Variants in EIF3D observed in about 807,000 individuals in gnomAD.
EIF3D encodes the protein eukaryotic translation initiation factor 3 subunit D.
Under a neutral mutation model 75.4 loss-of-function variants are expected in EIF3D, and 10 were observed. The observed-to-expected ratio is 0.13, with a 90% confidence interval of 0.08 to 0.22. The LOEUF (loss-of-function observed/expected upper bound fraction) is 0.22, where lower values mean the gene tolerates loss of function less well. EIF3D is among the 10% of genes least tolerant of loss of function. The pLI, the probability that EIF3D is intolerant of heterozygous loss-of-function variation, is 1.00. For synonymous variants in EIF3D, 246 were observed against 248.3 expected (o/e 0.99, Z 0.09); for missense variants, 394 against 708.0 (o/e 0.56, Z 5.03).
At position 36,512,564 on chromosome 22, in the gene EIF3D, A is replaced by T; in HGVS notation, c.1245T>A (p.Ser415=). Residue 415 remains serine, a synonymous_variant, in exon 13 of 15, where the codon TCT becomes TCA. Transcript: ENST00000216190. ...NGVDWRQKLD[S]QRGAVIATEL... Reference sequence around the variant, plus strand: ...CCGTGGCAATGACAGCCCCTCGCTGAGAGTCCAGCTTCTGACGCCAGTCAA... The same window carrying T: ...CCGTGGCAATGACAGCCCCTCGCTGTGAGTCCAGCTTCTGACGCCAGTCAA... 6.2e-7 allele frequency: 1 copy of T among 1,614,158 alleles called. No homozygotes were observed. Among genetic ancestry groups the T allele is most frequent in the Non-Finnish European group, 8.5e-7 (1 of 1,180,012 alleles).
At chr22:36,522,843 C>T (rs973148699) in intron 6 of EIF3D, among the ~76,000 whole-genome samples, 2 of 152,128 alleles carry the variant, frequency 1.3e-5, no homozygotes, top group African/African-American at 4.8e-5. Context: ...GCACCCTGCT[C>T]CCGCTTCTGC....
chr22:36,523,588 T>C (rs1603499018), intron 5 of EIF3D, among the ~76,000 whole-genome samples: 1 of 152,126 alleles, frequency 6.6e-6, no homozygotes, highest in African/African-American at 2.4e-5. Flanking sequence ...AGGACCAGCA[T>C]ACAGGGGGCT....
intron 10 of EIF3D, 41 bp from the exon 11 acceptor site, chr22:36,516,831 T>C: frequency 1.3e-6 from 2 of 1,586,480 alleles, no homozygotes; most frequent in Non-Finnish European, 1.7e-6. Flanking sequence ...CTAACTTTGT[T>C]GACAAGGCCA....
chr22:36,524,723 G>A lies in EIF3D; in HGVS notation c.179C>T (p.Ser60Phe), dbSNP rs1284246566. The A allele has an allele frequency of 1.2e-6, 2 of 1,614,148 alleles. No homozygotes were observed. Among genetic ancestry groups the A allele is most frequent in the Admixed American group, 1.7e-5 (1 of 60,014 alleles). Residue 60 changes from serine (S) to phenylalanine (F), a missense_variant, in exon 4 of 15, where the codon TCC becomes TTC. Coordinates refer to ENST00000216190, the MANE Select transcript of EIF3D (RefSeq NM_003753.4). ...YQDKRYTNKY[S>F]SQFGGGSQYA... ...TTGACTTCCACCACCAAACTGAGAG[G>A]AGTACTTATCTGGAGGCAAAGGTGA...
chr22:36,512,308 T>G (rs1934352790), intron 13 of EIF3D, 152 bp downstream of exon 13: 1 of 1,039,586 alleles, frequency 9.6e-7, no homozygotes, highest in African/African-American at 1.6e-5. Flanking sequence ...TGTTTGGCAT[T>G]TGTCTCCTAA....
Position 36,516,513 on chromosome 22 carries a change from T to C in EIF3D, c.1171A>G (p.Ile391Val), listed in dbSNP as rs761851541. The C allele has an allele frequency of 8.1e-6, 13 of 1,614,218 alleles. No individual in the cohort carries two copies. The highest frequency in any genetic ancestry group is 1.0e-5 in the Non-Finnish European group (12 of 1,180,036). Residue 391 changes from isoleucine to valine, a missense_variant, in exon 12 of 15, where the codon ATC becomes GTC. Ile to Val is a conservative substitution (Grantham distance 29). Transcript: ENST00000216190. ...MTGANGEVSF[I>V]NIKTLNEWDS... ...CACTCATTGAGTGTCTTGATGTTGA[T>C]GAAGGACACTTCCCCGTTGGCTCCA...
intron 1 of EIF3D, among the ~76,000 whole-genome samples, chr22:36,528,154 C>T (rs1202289799): frequency 6.6e-6 from 1 of 152,150 alleles, no homozygotes; most frequent in Admixed American, 6.5e-5. Context: ...CCTACTCAAG[C>T]AGCTGACCTC....
intron 1 of EIF3D, among the ~76,000 whole-genome samples, chr22:36,526,420 A>C (rs746343895): frequency 1.3e-5 from 2 of 152,154 alleles, no homozygotes; most frequent in African/African-American, 2.4e-5. Flanking sequence ...TGTGTTTGAC[A>C]GGGTGTTGTA....
chr22:36,518,637 C>A, intron 9 of EIF3D, 126 bp downstream of exon 9: 1 of 1,223,216 alleles, frequency 8.2e-7, no homozygotes, highest in Non-Finnish European at 1.1e-6. Context: ...GAGATTCAGA[C>A]ACTGCTGCTG....
At chr22:36,519,924 C>A (rs1283199156) in intron 7 of EIF3D, among the ~76,000 whole-genome samples, 1 of 152,176 alleles carries the variant, frequency 6.6e-6, no homozygotes, top group Non-Finnish European at 1.5e-5. Context: ...AGCAAAGATT[C>A]CTCCTGAAGA....
rs949795777 is a variant in EIF3D at position 36,528,467 on chromosome 22, G to A, written c.-11+609C>T. Among the ~76,000 whole-genome samples the A allele has an allele frequency of 6.6e-5, 10 of 151,206 alleles. 1 individual carries two copies. The highest frequency in any genetic ancestry group is 1.5e-4 in the African/African-American group (6 of 40,972). ...CGGAACCAGGAGGAGAAACTGAGCC[G>A]CTCAGCAAAAACGAAGTAACAGCTG... On this transcript the variant is annotated intron_variant, in intron 1 of 14. Coordinates refer to ENST00000216190, the MANE Select transcript of EIF3D (RefSeq NM_003753.4).
intron 13 of EIF3D, 112 bp from the exon 14 acceptor site, chr22:36,511,898 T>TTC (rs1254420435): frequency 1.2e-4 from 170 of 1,431,918 alleles, no homozygotes; most frequent in Admixed American, 1.6e-4. Context: ...TTTTTTCTTT[T>TTC]TTTTTTTTTT....
chr22:36,513,149 A>T lies in EIF3D; in HGVS notation c.1207-547T>A, dbSNP rs574470896. ...CACACAGTAGAAAAGGACCCCAGAGAGATCCTCTTTTCTACCCATATCATT... is the reference window on the plus strand; with the variant it reads ...CACACAGTAGAAAAGGACCCCAGAGTGATCCTCTTTTCTACCCATATCATT... On this transcript the variant is annotated intron_variant, in intron 12 of 14. Transcript: ENST00000216190. Among the ~76,000 whole-genome samples the T allele has an allele frequency of 3.3e-5, 5 of 152,270 alleles. No individual in the cohort carries two copies. The South Asian group carries it at 6.2e-4, about 19-fold the overall frequency.
At chr22:36,519,290 G>A in intron 8 of EIF3D, 115 bp downstream of exon 8, 1 of 1,448,994 alleles carries the variant, frequency 6.9e-7, no homozygotes, top group Non-Finnish European at 9.4e-7. Context: ...CTGGCAAAGT[G>A]CTTTTACCTA....
Position 36,525,722 on chromosome 22 carries a change from A to C in EIF3D, c.124-13T>G. ...TCCAGTCTGCAACCTACGAAGAACA[A>C]GAAAAGACAGAGAATGCACAGGTCA... On this transcript the variant is annotated splice_polypyrimidine_tract_variant and intron_variant, in intron 2 of 14. Coordinates refer to ENST00000216190, the MANE Select transcript of EIF3D (RefSeq NM_003753.4). The C allele has an allele frequency of 6.2e-7, 1 of 1,610,020 alleles. No individual in the cohort carries two copies. The highest frequency in any genetic ancestry group is 8.5e-7 in the Non-Finnish European group (1 of 1,179,134).
rs140273404 is a variant in EIF3D at position 36,523,195 on chromosome 22, T to A, written c.465+14A>T. 496 of 1,611,270 alleles carry A rather than the reference T, an allele frequency of 3.1e-4. 3 individuals carry two copies. In the African/African-American group the frequency reaches 5.9e-3, roughly 19 times the overall value. ...ACCAAATTCCAAGGCAGAATTCTGG[T>A]ATAAATACATTACCTGTGATTTCTG... On this transcript the variant is annotated intron_variant, in intron 6 of 14. Transcript: ENST00000216190.
At chr22:36,526,299 T>C (rs1177740562) in intron 1 of EIF3D, among the ~76,000 whole-genome samples, 168 bp from the exon 2 acceptor site, 1 of 152,226 alleles carries the variant, frequency 6.6e-6, no homozygotes, top group African/African-American at 2.4e-5. Flanking sequence ...AATTATACTG[T>C]GAATATGTAC....
chr22:36,513,746 A>G (rs766474126), intron 12 of EIF3D, among the ~76,000 whole-genome samples: 1 of 152,160 alleles, frequency 6.6e-6, no homozygotes, highest in Non-Finnish European at 1.5e-5. Context: ...GGGTCTCACT[A>G]TGTTGCCCAA....
intron 1 of EIF3D, chr22:36,526,831 C>T (rs367619380): frequency 6.6e-6 from 1 of 152,188 alleles, no homozygotes; most frequent in African/African-American, 2.4e-5. Context: ...TCAAATGATC[C>T]TCCCGCCTCG....
Sources: gnomAD v4.1 joint callset for allele counts (sites outside exome capture counted in the v4.1 genomes callset) on GRCh38, gnomAD v4.1.1 for gene constraint, MANE v1.5 for transcripts, NCBI Gene and HGNC (gene_info 2026-07-23, HGNC 2026-07-21) for gene names.